Variants in DAB1 observed in about 807,000 individuals in gnomAD.
The protein encoded by DAB1 is DAB adaptor protein 1, also known as disabled homolog 1.
DAB1 carries 15 observed loss-of-function variants against 64.6 expected under a neutral mutation model. The observed-to-expected ratio is 0.23, with a 90% CI of 0.16 to 0.36. DAB1 has a LOEUF of 0.36. Among genes scored for constraint, DAB1 ranks in the 10% least tolerant of loss-of-function variants. The probability of loss-of-function intolerance (pLI) is 1.00; values close to 1 mark genes in which losing one functional copy is unlikely to be tolerated. For missense variants in DAB1, 596 were observed against 706.7 expected (o/e 0.84, Z 1.78); for synonymous variants, 235 against 251.9 (o/e 0.93, Z 0.64).
intron 6 of DAB1, among the ~76,000 whole-genome samples, chr1:57,770,823 A>C (rs1349682499): frequency 6.6e-6 from 1 of 152,174 alleles, no homozygotes; most frequent in African/African-American, 2.4e-5. Context: ...ATTGAAAGAA[A>C]ATGTGTGATG....
intron 3 of DAB1, among the ~76,000 whole-genome samples, chr1:58,461,265 A>G (rs1645240160): frequency 1.3e-5 from 2 of 152,264 alleles, no homozygotes; most frequent in Non-Finnish European, 2.9e-5. Context: ...GTGTTAATAT[A>G]GAAATATATA....
At chr1:57,558,270 T>C (rs967991806) in intron 7 of DAB1, among the ~76,000 whole-genome samples, 1 of 152,164 alleles carries the variant, frequency 6.6e-6, no homozygotes, top group African/African-American at 2.4e-5. Flanking sequence ...TCTGAGGAGA[T>C]AAACCCTGTG....
At chr1:58,343,310 C>G (rs1313058263) in intron 4 of DAB1, 1 of 149,762 alleles carries the variant, frequency 6.7e-6, no homozygotes, top group Non-Finnish European at 1.5e-5. Context: ...AAAGGAAAAC[C>G]AGGGAGAAAT....
In DAB1 at chr1:58,001,428, T is replaced by G. The variant is rs1646505733; in HGVS notation, n.388-117266A>C. Among the ~76,000 whole-genome samples the G allele has an allele frequency of 2.0e-5, 3 of 151,994 alleles. No homozygotes were observed. In the South Asian group the frequency reaches 6.2e-4, roughly 32 times the overall value. ...ACAGGCATGTTCCACCATGGCTAAT[T>G]TTTGTATTTTTACTGGAGATGGGGT... On this transcript the variant is annotated intron_variant and non_coding_transcript_variant, in intron 5 of 20. Transcript: ENST00000485760.
chr1:58,214,134 C>G (rs750800059), intron 4 of DAB1, among the ~76,000 whole-genome samples: 1 of 152,146 alleles, frequency 6.6e-6, no homozygotes, highest in Non-Finnish European at 1.5e-5. Context: ...TTTCTGCAGC[C>G]TCCTGTCATA....
chr1:57,344,787 A>C (rs1465946865), intron 1 of DAB1, among the ~76,000 whole-genome samples: 2 of 152,162 alleles, frequency 1.3e-5, no homozygotes, highest in Non-Finnish European at 2.9e-5. Flanking sequence ...CCCAGCTGCA[A>C]GCTGCATGGC....
intron 4 of DAB1, among the ~76,000 whole-genome samples, chr1:58,180,364 C>T (rs1046487522): frequency 4.6e-5 from 6 of 131,230 alleles, no homozygotes; most frequent in Non-Finnish European, 9.2e-5. Context: ...GTAATAACAG[C>T]TCACTGCAGC....
chr1:57,135,554 G>A (rs374879729), intron 4 of DAB1, among the ~76,000 whole-genome samples: 3 of 152,140 alleles, frequency 2.0e-5, no homozygotes, highest in Non-Finnish European at 2.9e-5. Context: ...AAGTAATGCC[G>A]TTATGATCAG....
At chr1:57,003,767 A>G (rs1645959460) in intron 14 of DAB1, among the ~76,000 whole-genome samples, 1 of 152,184 alleles carries the variant, frequency 6.6e-6, no homozygotes, top group Admixed American at 6.5e-5. Flanking sequence ...TTGTTTTTAA[A>G]TCAATTTCAG....
intron 4 of DAB1, among the ~76,000 whole-genome samples, chr1:57,115,405 A>G (rs1364772772): frequency 6.6e-6 from 1 of 152,208 alleles, no homozygotes; most frequent in African/African-American, 2.4e-5. Context: ...TTTTCATCAC[A>G]GGACAGAGTG....
intron 2 of DAB1, among the ~76,000 whole-genome samples, chr1:57,231,966 CT>C (rs889298507): frequency 8.5e-5 from 13 of 152,290 alleles, no homozygotes; most frequent in Non-Finnish European, 1.8e-4. Context: ...GACTTAGTGA[CT>C]CTGTACTCCA....
At chr1:58,524,305 T>A (rs1557452979) in intron 2 of DAB1, among the ~76,000 whole-genome samples, 1 of 152,234 alleles carries the variant, frequency 6.6e-6, no homozygotes, top group East Asian at 1.9e-4. Context: ...ATCTGCTGCC[T>A]CTTGGTCAGC....
chr1:57,285,757 T>G (rs1176696067), intron 2 of DAB1, among the ~76,000 whole-genome samples: 1 of 152,172 alleles, frequency 6.6e-6, no homozygotes, highest in African/African-American at 2.4e-5. Flanking sequence ...CAGTGCTCTT[T>G]CCACTACACT....
intron 2 of DAB1, among the ~76,000 whole-genome samples, chr1:57,222,118 T>C (rs1666926015): frequency 6.6e-6 from 1 of 152,192 alleles, no homozygotes; most frequent in Non-Finnish European, 1.5e-5. Context: ...GTTCCTTTTT[T>C]TTCTTTTCTA....
At chr1:57,155,241 T>A (rs1226854169) in intron 2 of DAB1, among the ~76,000 whole-genome samples, 1 of 152,234 alleles carries the variant, frequency 6.6e-6, no homozygotes, top group African/African-American at 2.4e-5. Flanking sequence ...TTCTTCTGCA[T>A]ATGGATATCC....
intron 3 of DAB1, among the ~76,000 whole-genome samples, chr1:58,383,550 A>G (rs145106137): frequency 3.2e-4 from 48 of 152,344 alleles, no homozygotes; most frequent in African/African-American, 1.2e-3. Flanking sequence ...TAGCTACCAC[A>G]TACGGTTGCC....
intron 4 of DAB1, among the ~76,000 whole-genome samples, chr1:58,278,151 G>A (rs1223005682): frequency 6.6e-6 from 1 of 152,294 alleles, no homozygotes; most frequent in African/African-American, 2.4e-5. Context: ...GGTGGGAGGT[G>A]ATTGGATCAT....
At chr1:57,132,143 C>A (rs1255109908) in intron 4 of DAB1, among the ~76,000 whole-genome samples, 4 of 152,124 alleles carry the variant, frequency 2.6e-5, no homozygotes, top group African/African-American at 4.8e-5. Context: ...CAAAGTTAAA[C>A]CCCAGTCTCT....
At chr1:57,738,462 G>A (rs1332968856) in intron 6 of DAB1, among the ~76,000 whole-genome samples, 1 of 152,048 alleles carries the variant, frequency 6.6e-6, no homozygotes, top group East Asian at 1.9e-4. Context: ...CTAATTGGGA[G>A]CCAGTGTCAT....
Sources: gnomAD v4.1 joint callset for allele counts (sites outside exome capture counted in the v4.1 genomes callset) on GRCh38, gnomAD v4.1.1 for gene constraint, MANE v1.5 for transcripts, NCBI Gene and HGNC (gene_info 2026-07-23, HGNC 2026-07-21) for gene names.